SORCS2: variants seen among roughly 807,000 people sequenced by gnomAD.
SORCS2 encodes sortilin related VPS10 domain containing receptor 2.
Under a neutral mutation model 141.6 loss-of-function variants are expected in SORCS2, and 100 were observed. That is an observed-to-expected ratio of 0.71 (90% CI 0.60 to 0.83). The LOEUF is 0.83. Among genes scored for constraint, SORCS2 ranks in the 40% least tolerant of loss-of-function variants. The pLI, the probability that SORCS2 is intolerant of heterozygous loss-of-function variation, is 0.00. For missense variants in SORCS2, 1,646 were observed against 1,560.2 expected (o/e 1.05, Z -0.93); for synonymous variants, 789 against 676.9 (o/e 1.17, Z -2.57).
intron 1 of SORCS2, among the ~76,000 whole-genome samples, chr4:7,366,815 T>C (rs1379981026): frequency 6.6e-6 from 1 of 152,100 alleles, no homozygotes; most frequent in Non-Finnish European, 1.5e-5. Context: ...CACTTCCTCC[T>C]CAAGTGTGTC....
intron 3 of SORCS2, among the ~76,000 whole-genome samples, chr4:7,611,576 G>A (rs1422147090): frequency 1.3e-5 from 2 of 152,184 alleles, no homozygotes; most frequent in Non-Finnish European, 2.9e-5. Flanking sequence ...CTGAAGGTGA[G>A]CCCCAAGAAG....
At chr4:7,571,737 C>A (rs553561298) in intron 3 of SORCS2, among the ~76,000 whole-genome samples, 6 of 152,240 alleles carry the variant, frequency 3.9e-5, no homozygotes, top group South Asian at 4.1e-4. Context: ...CCAAGGCCAG[C>A]AGCTTCAAAG....
chr4:7,575,029 G>C (rs1331943517), intron 3 of SORCS2, among the ~76,000 whole-genome samples: 1 of 152,140 alleles, frequency 6.6e-6, no homozygotes. Context: ...AATATGAGAG[G>C]GTCTCTGCTA....
chr4:7,238,965 C>T (rs537759865), intron 1 of SORCS2, among the ~76,000 whole-genome samples: 119 of 152,356 alleles, frequency 7.8e-4, no homozygotes, highest in African/African-American at 2.8e-3. Context: ...GTGGCTGCAT[C>T]TGCCCCAGCA....
intron 2 of SORCS2, among the ~76,000 whole-genome samples, chr4:7,492,502 G>T (rs1393789463): frequency 6.6e-6 from 1 of 152,246 alleles, no homozygotes; most frequent in East Asian, 1.9e-4. Flanking sequence ...AGGATTCCGG[G>T]TGAACGCAGG....
At chr4:7,716,041 C>T (rs1018196458) in intron 17 of SORCS2, among the ~76,000 whole-genome samples, 2 of 152,208 alleles carry the variant, frequency 1.3e-5, no homozygotes, top group Admixed American at 6.5e-5. Context: ...GCTTTTCCTC[C>T]ACCAGAGGCT....
chr4:7,695,186 A>T (rs1422261612), intron 11 of SORCS2, among the ~76,000 whole-genome samples: 1 of 149,866 alleles, frequency 6.7e-6, no homozygotes, highest in Non-Finnish European at 1.5e-5. Flanking sequence ...GATCAATTGG[A>T]TGGATATTAG....
chr4:7,640,173 T>C (rs972926449), intron 4 of SORCS2, among the ~76,000 whole-genome samples: 2 of 113,394 alleles, frequency 1.8e-5, no homozygotes, highest in African/African-American at 6.9e-5. Flanking sequence ...CATGTGTGGG[T>C]GAGTGTGAGA....
intron 4 of SORCS2, among the ~76,000 whole-genome samples, chr4:7,647,248 C>T (rs943791388): frequency 1.3e-5 from 2 of 152,198 alleles, no homozygotes; most frequent in African/African-American, 4.8e-5. Flanking sequence ...GACAGACTCT[C>T]AACCTCCTTC....
chr4:7,467,723 G>A (rs1178765056), intron 2 of SORCS2, among the ~76,000 whole-genome samples: 1 of 152,182 alleles, frequency 6.6e-6, no homozygotes, highest in Non-Finnish European at 1.5e-5. Flanking sequence ...CCCAGCTCTT[G>A]GTCTCAGCGG....
At chr4:7,516,998 C>T (rs865854751) in intron 2 of SORCS2, among the ~76,000 whole-genome samples, 1 of 152,192 alleles carries the variant, frequency 6.6e-6, no homozygotes, top group Non-Finnish European at 1.5e-5. Flanking sequence ...AGTCCTCCGG[C>T]TGGGTGTTGA....
rs1277155251 is a variant in SORCS2, at chr4:7,403,977, ATATATATATATATATATATAT to A, written c.548+7624_548+7644del. Among the ~76,000 whole-genome samples the A allele has an allele frequency of 8.0e-4, 12 of 14,930 alleles. 1 individual carries two copies. Among genetic ancestry groups the A allele is most frequent in the East Asian group, 5.1e-3 (5 of 972 alleles). The allele number at this position is 14,930 out of a possible 152,430, so 9.8% of individuals were successfully genotyped here. A position where few individuals can be genotyped will look rare whatever the true frequency, so the allele number is the denominator to read the frequency against. On this transcript the variant is annotated intron_variant, in intron 2 of 26. Transcript: ENST00000507866. ...TCCATGTGTGTATATATATATATATATATATATATATATATATATATTTTTTTTTTTTTTTTAGTATCCATT... is the reference window on the plus strand; with the variant it reads ...TCCATGTGTGTATATATATATATATATTTTTTTTTTTTTTTAGTATCCATT...
At chr4:7,431,554 C>T (rs541146358) in intron 2 of SORCS2, 5 of 152,356 alleles carry the variant, frequency 3.3e-5, no homozygotes, top group Non-Finnish European at 7.3e-5. Flanking sequence ...TGGGGCTGCT[C>T]CTGGAGAGGG....
At chr4:7,263,907 C>T (rs574535051) in intron 1 of SORCS2, among the ~76,000 whole-genome samples, 7 of 152,320 alleles carry the variant, frequency 4.6e-5, no homozygotes, top group South Asian at 2.1e-4. Flanking sequence ...CACCGTGGGC[C>T]GTGGTGTTGG....
At chr4:7,625,521 A>T (rs1719461079) in intron 3 of SORCS2, among the ~76,000 whole-genome samples, 1 of 151,944 alleles carries the variant, frequency 6.6e-6, no homozygotes, top group African/African-American at 2.4e-5. Flanking sequence ...AAGTTCAAGC[A>T]GAGACGAGCC....
intron 1 of SORCS2, among the ~76,000 whole-genome samples, chr4:7,263,505 C>CGACCTGATTGCG (rs1364244069): frequency 1.3e-5 from 2 of 152,124 alleles, no homozygotes; most frequent in African/African-American, 4.8e-5. Context: ...CGGGCGTGTC[C>CGACCTGATTGCG]GACCTGATTG....
In SORCS2 at chr4:7,302,445, C is replaced by T. The variant is rs10028340; in HGVS notation, c.481-93843C>T. Among the ~76,000 whole-genome samples, 799 of 152,314 alleles carry T rather than the reference C, an allele frequency of 5.2e-3. 6 individuals carry two copies. The highest frequency in any genetic ancestry group is 0.018 in the African/African-American group (751 of 41,572). On this transcript the variant is annotated intron_variant, in intron 1 of 26. Transcript: ENST00000507866. ...GCCTTTGTACTTGCCACTTCGTCTG[C>T]CCAGAACGCCCTCCCTGCAGCCAGA...
chr4:7,632,322 G>A (rs1213057177), intron 3 of SORCS2, among the ~76,000 whole-genome samples: 1 of 152,162 alleles, frequency 6.6e-6, no homozygotes, highest in Non-Finnish European at 1.5e-5. Context: ...AGAACCCAGT[G>A]CAGGTACCAT....
intron 16 of SORCS2, 115 bp downstream of exon 16, chr4:7,714,488 T>C: frequency 8.3e-7 from 1 of 1,199,322 alleles, no homozygotes; most frequent in Non-Finnish European, 1.1e-6. Context: ...TATAACCTGG[T>C]GTCACAGTCG....
Sources: gnomAD v4.1 joint callset for allele counts (sites outside exome capture counted in the v4.1 genomes callset) on GRCh38, gnomAD v4.1.1 for gene constraint, MANE v1.5 for transcripts, NCBI Gene and HGNC (gene_info 2026-07-23, HGNC 2026-07-21) for gene names.